The following IQCM variants were observed in gnomAD, a reference collection of about 807,000 sequenced individuals.
The protein encoded by IQCM is IQ motif containing M.
Under a neutral mutation model 57.6 loss-of-function variants are expected in IQCM, and 45 were observed. The ratio of observed to expected loss-of-function variants is 0.78; its 90% CI spans 0.62 to 1.00. The LOEUF (loss-of-function observed/expected upper bound fraction) is 1.00. Ranked by LOEUF, IQCM falls within the 50% of genes least tolerant of loss-of-function variation. IQCM has a pLI of 0.00. For missense variants in IQCM, 468 were observed against 511.6 expected, an observed-to-expected ratio of 0.91 and a Z score of 0.82; for synonymous variants, 148 against 158.9, an observed-to-expected ratio of 0.93 and a Z score of 0.51.
chr4:149,758,841 C>A (rs1256014059), intron 2 of IQCM, among the ~76,000 whole-genome samples: 1 of 152,100 alleles, frequency 6.6e-6, no homozygotes, highest in Non-Finnish European at 1.5e-5. Context: ...GGAACTCACT[C>A]ATTGCTGGTG....
At chr4:149,452,198 C>T (rs574055213) in intron 12 of IQCM, among the ~76,000 whole-genome samples, 1 of 151,532 alleles carries the variant, frequency 6.6e-6, no homozygotes, top group South Asian at 2.1e-4. Context: ...TAAGGAAAAT[C>T]TAAATAAATG....
chr4:149,488,115 T>C (rs1741721126), intron 12 of IQCM, among the ~76,000 whole-genome samples: 1 of 152,098 alleles, frequency 6.6e-6, no homozygotes, highest in South Asian at 2.1e-4. Flanking sequence ...TGATATTTTA[T>C]TTGTTTACCA....
At chr4:149,450,375 G>T (rs1171441591) in intron 12 of IQCM, among the ~76,000 whole-genome samples, 2 of 151,716 alleles carry the variant, frequency 1.3e-5, no homozygotes, top group African/African-American at 4.8e-5. Flanking sequence ...ATCAGATCAA[G>T]TTAAAAAGCT....
intron 7 of IQCM, among the ~76,000 whole-genome samples, chr4:149,672,701 C>G (rs183371125): frequency 1.3e-5 from 2 of 152,278 alleles, no homozygotes; most frequent in East Asian, 3.9e-4. Flanking sequence ...GGAAAACACT[C>G]TTCAGGATAT....
chr4:149,536,750 G>A (rs1747333589), intron 12 of IQCM, among the ~76,000 whole-genome samples: 1 of 151,924 alleles, frequency 6.6e-6, no homozygotes, highest in Non-Finnish European at 1.5e-5. Flanking sequence ...AAAGACTCTG[G>A]ATTGCTTCAA....
chr4:149,611,213 T>C (rs1315298201), intron 8 of IQCM, among the ~76,000 whole-genome samples: 1 of 151,902 alleles, frequency 6.6e-6, no homozygotes, highest in Non-Finnish European at 1.5e-5. Context: ...TAATGGATGC[T>C]GGTGAGAATG....
intron 13 of IQCM, among the ~76,000 whole-genome samples, chr4:149,354,382 A>ACAAAAAAC (rs1553953463): frequency 2.9e-5 from 4 of 136,486 alleles, no homozygotes; most frequent in Admixed American, 2.3e-4. Context: ...AAAAAAAAAA[A>ACAAAAAAC]AAAAAAACTG....
At chr4:149,486,806 A>C (rs1333811903) in intron 12 of IQCM, among the ~76,000 whole-genome samples, 2 of 152,112 alleles carry the variant, frequency 1.3e-5, no homozygotes, top group Non-Finnish European at 2.9e-5. Flanking sequence ...GAATGTTCCC[A>C]GGCCTGGGCT....
intron 12 of IQCM, among the ~76,000 whole-genome samples, chr4:149,534,573 G>T (rs1208945470): frequency 6.6e-6 from 1 of 151,662 alleles, no homozygotes; most frequent in Non-Finnish European, 1.5e-5. Context: ...TATACACAGT[G>T]GTATATAAGG....
chr4:149,736,899 A>G (rs948095158), intron 3 of IQCM, among the ~76,000 whole-genome samples: 8 of 152,362 alleles, frequency 5.3e-5, no homozygotes, highest in Middle Eastern at 3.4e-3. Flanking sequence ...TGTTTACAGT[A>G]GCTTTACTCA....
intron 8 of IQCM, among the ~76,000 whole-genome samples, chr4:149,606,168 T>G (rs1297135063): frequency 6.6e-6 from 1 of 152,064 alleles, no homozygotes; most frequent in East Asian, 1.9e-4. Context: ...GCTGGGAACC[T>G]GCATAATGCC....
At chr4:149,719,218 C>T (rs1264012606) in intron 5 of IQCM, among the ~76,000 whole-genome samples, 2 of 151,924 alleles carry the variant, frequency 1.3e-5, no homozygotes, top group Admixed American at 6.6e-5. Flanking sequence ...GTGGCACATG[C>T]CTGTAATCCC....
intron 12 of IQCM, among the ~76,000 whole-genome samples, chr4:149,505,273 T>C (rs180971460): frequency 2.6e-4 from 39 of 152,276 alleles, no homozygotes; most frequent in Admixed American, 6.5e-5. Flanking sequence ...AGAACATCAA[T>C]GACTAGATGT....
At chr4:149,480,327 C>A (rs143896939) in intron 12 of IQCM, among the ~76,000 whole-genome samples, 36 of 152,102 alleles carry the variant, frequency 2.4e-4, no homozygotes, top group African/African-American at 8.7e-4. Context: ...ACTATAGCCC[C>A]CTGTTGTGCT....
chr4:149,537,292 G>A (rs761085301), intron 12 of IQCM, among the ~76,000 whole-genome samples: 22 of 151,732 alleles, frequency 1.4e-4, no homozygotes, highest in East Asian at 5.8e-4. Context: ...TGAACTAAAC[G>A]TATTCTAGAG....
intron 12 of IQCM, among the ~76,000 whole-genome samples, chr4:149,448,870 T>C (rs1461061506): frequency 1.3e-5 from 2 of 151,738 alleles, no homozygotes; most frequent in African/African-American, 4.8e-5. Flanking sequence ...CCCAGATGGC[T>C]TCAGTGATAA....
chr4:149,440,121 C>CTT lies in IQCM; in HGVS notation c.1229-6566_1229-6565dup, dbSNP rs955416306. 3.1e-3 allele frequency among the ~76,000 whole-genome samples: 276 copies of CTT among 88,020 alleles called. 31 individuals are homozygous for CTT. Among genetic ancestry groups the CTT allele is most frequent in the Non-Finnish European group, 5.2e-3 (222 of 42,488 alleles). 57.7% of individuals were successfully genotyped at this position (88,020 alleles called of 152,430 possible). ...ACAGGCATGTGCCACCATGCCCGGC[C>CTT]TTTTTTTTTTTTTTTTTTTTTTTTT... On this transcript the variant is annotated intron_variant, in intron 12 of 13. Coordinates refer to ENST00000636793, the MANE Select transcript of IQCM (RefSeq NM_001363507.2).
At chr4:149,516,922 A>C (rs1300418792) in intron 12 of IQCM, among the ~76,000 whole-genome samples, 1 of 152,060 alleles carries the variant, frequency 6.6e-6, no homozygotes, top group African/African-American at 2.4e-5. Flanking sequence ...CGGAATATCA[A>C]GACAAAATTA....
chr4:149,740,889 G>A (rs992049267), intron 3 of IQCM, among the ~76,000 whole-genome samples: 1 of 152,064 alleles, frequency 6.6e-6, no homozygotes, highest in African/African-American at 2.4e-5. Flanking sequence ...GAGAGAAGCT[G>A]TAGAGGGGAG....
Sources: allele counts gnomAD v4.1 joint callset (sites outside exome capture counted in the v4.1 genomes callset), GRCh38; gene constraint gnomAD v4.1.1; transcripts MANE v1.5; gene names NCBI Gene and HGNC (gene_info 2026-07-23, HGNC 2026-07-21).